SUPT3H: variants seen among roughly 807,000 people sequenced by gnomAD.
SUPT3H encodes transcription initiation protein SPT3 homolog.
A neutral mutation model predicts 44.3 loss-of-function variants in SUPT3H; 44 were observed. The ratio of observed to expected loss-of-function variants is 0.99; its 90% confidence interval spans 0.78 to 1.28. SUPT3H has a LOEUF of 1.28. Ranked by LOEUF, SUPT3H falls within the 50% of genes most tolerant of loss-of-function variation. The probability of loss-of-function intolerance (pLI) is 0.00; values close to 1 mark genes in which losing one functional copy is unlikely to be tolerated. For missense variants in SUPT3H, 380 were observed against 387.1 expected (o/e 0.98, Z 0.15); for synonymous variants, 124 against 125.6 (o/e 0.99, Z 0.09).
At chr6:44,848,999 CTT>C (rs779488786) in intron 10 of SUPT3H, among the ~76,000 whole-genome samples, 2 of 152,176 alleles carry the variant, frequency 1.3e-5, no homozygotes, top group Non-Finnish European at 2.9e-5. Context: ...TACCTTATAA[CTT>C]TAATTTCAAC....
At chr6:45,235,537 T>C (rs1048233801) in intron 2 of SUPT3H, among the ~76,000 whole-genome samples, 3 of 152,112 alleles carry the variant, frequency 2.0e-5, no homozygotes, top group Non-Finnish European at 4.4e-5. Context: ...AGACCTAAAT[T>C]GTACCCAGTA....
rs1784571273 is a variant in SUPT3H at position 45,018,092 on chromosome 6, T to A, written c.273+2454A>T. ...TTGTAAGTTGGATTCCTAGGTATTT[T>A]ATTCTCTTTGAAGCAATTGTGAATG... On this transcript the variant is annotated intron_variant, in intron 4 of 10. Transcript: ENST00000371459. 2.0e-5 allele frequency among the ~76,000 whole-genome samples: 3 copies of A among 152,018 alleles called. No homozygotes were observed. In the South Asian group the frequency reaches 6.2e-4, roughly 31 times the overall value.
intron 2 of SUPT3H, among the ~76,000 whole-genome samples, chr6:45,291,984 A>G (rs1780380704): frequency 6.6e-6 from 1 of 152,198 alleles, no homozygotes; most frequent in Admixed American, 6.5e-5. Context: ...AGGCACACTG[A>G]CATCAGGTTA....
intron 2 of SUPT3H, among the ~76,000 whole-genome samples, chr6:45,268,455 TA>T (rs2153660587): frequency 6.6e-6 from 1 of 152,294 alleles, no homozygotes; most frequent in East Asian, 1.9e-4. Flanking sequence ...ATCCTTAAAA[TA>T]TTTTTTAATG....
At chr6:44,999,603 C>T (rs1157885592) in intron 6 of SUPT3H, among the ~76,000 whole-genome samples, 1 of 151,964 alleles carries the variant, frequency 6.6e-6, no homozygotes, top group East Asian at 1.9e-4. Context: ...AAGACTATTG[C>T]TCATTTATAA....
At chr6:45,251,196 A>G (rs1209169631) in intron 2 of SUPT3H, 2 of 152,116 alleles carry the variant, frequency 1.3e-5, no homozygotes, top group Non-Finnish European at 2.9e-5. Flanking sequence ...GCAATATAAA[A>G]CCTATTGTCA....
intron 10 of SUPT3H, among the ~76,000 whole-genome samples, chr6:44,887,276 C>G (rs1341829356): frequency 6.6e-6 from 1 of 152,164 alleles, no homozygotes; most frequent in Non-Finnish European, 1.5e-5. Context: ...ACCTAATAGA[C>G]ATCTACAGAA....
chr6:45,014,148 A>T (rs1340538620), intron 5 of SUPT3H, among the ~76,000 whole-genome samples: 1 of 151,946 alleles, frequency 6.6e-6, no homozygotes, highest in African/African-American at 2.4e-5. Context: ...AATTTCTATC[A>T]ACTGTTTTTT....
chr6:45,186,804 C>T (rs1814290333), intron 2 of SUPT3H, among the ~76,000 whole-genome samples: 1 of 152,062 alleles, frequency 6.6e-6, no homozygotes, highest in Admixed American at 6.5e-5. Context: ...GAGAGGTGTC[C>T]TTCCTATACT....
chr6:44,882,011 G>A (rs1273494221), intron 10 of SUPT3H, among the ~76,000 whole-genome samples: 1 of 152,076 alleles, frequency 6.6e-6, no homozygotes, highest in African/African-American at 2.4e-5. Flanking sequence ...TCAAAAGCTA[G>A]CAGAAGCCAA....
chr6:45,218,260 G>C (rs1425919255), intron 2 of SUPT3H, among the ~76,000 whole-genome samples: 1 of 152,100 alleles, frequency 6.6e-6, no homozygotes, highest in Non-Finnish European at 1.5e-5. Context: ...CATGAGAAAA[G>C]ATATTATATA....
rs1036345294 is a variant in SUPT3H, at chr6:44,947,210, T to C, written c.801+6100A>G. On this transcript the variant is annotated intron_variant, in intron 9 of 10. Transcript: ENST00000371459. ...ATGCACCAGGAAAGCAGAAAATTTG[T>C]GTGACTCGCTTTATTGCAATATTCA... 5.9e-5 allele frequency among the ~76,000 whole-genome samples: 9 copies of C among 152,212 alleles called. No homozygotes were observed. The South Asian group carries it at 1.9e-3, about 32-fold the overall frequency.
intron 2 of SUPT3H, among the ~76,000 whole-genome samples, chr6:45,355,735 G>A: frequency 6.6e-6 from 1 of 152,102 alleles, no homozygotes; most frequent in Non-Finnish European, 1.5e-5. Context: ...ACATTAATAT[G>A]CACAAATTCT....
chr6:45,224,989 A>T (rs942957796), intron 2 of SUPT3H, among the ~76,000 whole-genome samples: 1 of 152,064 alleles, frequency 6.6e-6, no homozygotes, highest in Non-Finnish European at 1.5e-5. Flanking sequence ...TTCTAAAAAT[A>T]TACAATCTGC....
At chr6:45,074,642 T>A (rs1016995107) in intron 3 of SUPT3H, among the ~76,000 whole-genome samples, 5 of 151,972 alleles carry the variant, frequency 3.3e-5, no homozygotes, top group African/African-American at 4.8e-5. Context: ...CGCTAAACTA[T>A]GGTAATAGAA....
chr6:45,135,776 T>G (rs1583755275), intron 2 of SUPT3H, among the ~76,000 whole-genome samples: 1 of 152,090 alleles, frequency 6.6e-6, no homozygotes, highest in East Asian at 1.9e-4. Context: ...ACTTCTAACT[T>G]CCGGAACTAT....
At chr6:44,910,336 G>A (rs923085515) in intron 10 of SUPT3H, among the ~76,000 whole-genome samples, 1 of 152,196 alleles carries the variant, frequency 6.6e-6, no homozygotes, top group Non-Finnish European at 1.5e-5. Context: ...TCTCTACTGC[G>A]TATCTTGCTG....
chr6:45,118,387 A>T (rs1232978481), intron 2 of SUPT3H, among the ~76,000 whole-genome samples: 2 of 152,154 alleles, frequency 1.3e-5, no homozygotes, highest in Admixed American at 1.3e-4. Flanking sequence ...TTAATTATTT[A>T]TAATAGTTAA....
At chr6:45,295,553 A>C (rs966822201) in intron 2 of SUPT3H, among the ~76,000 whole-genome samples, 20 of 150,044 alleles carry the variant, frequency 1.3e-4, no homozygotes, top group African/African-American at 4.9e-4. Flanking sequence ...AAAAAAAAAA[A>C]ACAGCAGAGT....
Sources: allele counts gnomAD v4.1 joint callset (sites outside exome capture counted in the v4.1 genomes callset), GRCh38; gene constraint gnomAD v4.1.1; transcripts MANE v1.5; gene names NCBI Gene and HGNC (gene_info 2026-07-23, HGNC 2026-07-21).